TBX1: variants seen among roughly 807,000 people sequenced by gnomAD.
The protein encoded by TBX1 is T-box transcription factor TBX1.
In TBX1, 16 loss-of-function variants were observed where a neutral mutation model predicts 40.8. That is an observed-to-expected ratio of 0.39 (90% CI 0.27 to 0.60). TBX1 has a LOEUF of 0.60. Ranked by LOEUF, TBX1 falls within the 20% of genes least tolerant of loss-of-function variation. The probability of loss-of-function intolerance (pLI) is 0.51; values close to 1 mark genes in which losing one functional copy is unlikely to be tolerated. For missense variants in TBX1, 755 were observed against 728.5 expected, an observed-to-expected ratio of 1.04 and a Z score of -0.42; for synonymous variants, 403 against 336.8, an observed-to-expected ratio of 1.20 and a Z score of -2.15.
At chr22:19,764,474 C>T (rs1044504434) in intron 3 of TBX1, 148 bp downstream of exon 3, 11 of 1,022,056 alleles carry the variant, frequency 1.1e-5, no homozygotes, top group Non-Finnish European at 1.5e-5. Context: ...CTTTAGAGTC[C>T]CTGCGAGGCT....
At chr22:19,759,315 G>A (rs1601279297), upstream of TBX1, among the ~76,000 whole-genome samples, 1 of 152,216 alleles carries the variant, frequency 6.6e-6, no homozygotes, top group African/African-American at 2.4e-5. Context: ...TGGGCCCCTC[G>A]GCTGCTACCA....
At chr22:19,778,725 G>A (rs41297996) in intron 8 of TBX1, among the ~76,000 whole-genome samples, 22,693 of 152,092 alleles carry the variant, frequency 0.15, 2,373 homozygotes, top group East Asian at 0.44. Flanking sequence ...ATGAGCCACC[G>A]TGTCCAGCCC....
At chr22:19,781,364 G>A (rs1350032508), downstream of TBX1, among the ~76,000 whole-genome samples, 1 of 152,034 alleles carries the variant, frequency 6.6e-6, no homozygotes, top group East Asian at 1.9e-4. Context: ...ACATACCACG[G>A]CACCCAGGAT....
At chr22:19,778,270 T>C (rs1218434755) in intron 8 of TBX1, among the ~76,000 whole-genome samples, 2 of 151,536 alleles carry the variant, frequency 1.3e-5, no homozygotes, top group Non-Finnish European at 2.9e-5. Flanking sequence ...TTTTTGATGT[T>C]GTTGTTGTTG....
chr22:19,777,215 C>A (rs539535183), intron 8 of TBX1, among the ~76,000 whole-genome samples: 30 of 152,050 alleles, frequency 2.0e-4, no homozygotes, highest in Non-Finnish European at 4.1e-4. Context: ...TCCCCCTCCC[C>A]CTACCCCACA....
downstream of TBX1, among the ~76,000 whole-genome samples, chr22:19,769,472 A>G (rs979709433): frequency 6.6e-6 from 1 of 152,106 alleles, no homozygotes; most frequent in African/African-American, 2.4e-5. Flanking sequence ...TGTAAATGAG[A>G]GCTCGCAGGC....
chr22:19,779,655 C>A, downstream of TBX1: 1 of 916,140 alleles, frequency 1.1e-6, no homozygotes, highest in South Asian at 1.8e-5. Flanking sequence ...ATTATAAACA[C>A]TTCTAAATAT....
At chr22:19,766,113 C>A in intron 6 of TBX1, 111 bp downstream of exon 6, 1 of 999,430 alleles carries the variant, frequency 1.0e-6, no homozygotes. Context: ...GCTTTCGCGC[C>A]GGTTGCACAA....
chr22:19,771,513 T>G (rs541226835), downstream of TBX1, among the ~76,000 whole-genome samples: 2 of 152,240 alleles, frequency 1.3e-5, no homozygotes, highest in African/African-American at 4.8e-5. Context: ...TTAATAGCAG[T>G]AATTAAATTA....
At chr22:19,776,582 C>T (rs1365387110) in intron 8 of TBX1, among the ~76,000 whole-genome samples, 1 of 152,120 alleles carries the variant, frequency 6.6e-6, no homozygotes, top group Non-Finnish European at 1.5e-5. Flanking sequence ...GGGTCTCCCA[C>T]TCAGGGAGGG....
rs755047093 is a variant in TBX1 at position 19,766,600 on chromosome 22, A to G, written c.1248A>G (p.Ala416=). Residue 416 remains alanine, a synonymous_variant, in exon 7 of 7, where the codon GCA becomes GCG. Transcript: ENST00000649276. ...AGCTGCGCCTGGAGGCGCCCGGCGC[A>G]TCGGAGCCGCTGCACCACCACCCCT... ...NPELRLEAPG[A]SEPLHHHPYK... The G allele has an allele frequency of 2.0e-6, 3 of 1,498,412 alleles. No homozygotes were observed. Among genetic ancestry groups the G allele is most frequent in the Admixed American group, 4.1e-5 (2 of 48,566 alleles). The allele number at this position is 1,498,412 out of a possible 1,614,324, so 92.8% of individuals were successfully genotyped here. A position where few individuals can be genotyped will look rare whatever the true frequency, so the allele number is the denominator to read the frequency against.
chr22:19,766,102 G>A, intron 6 of TBX1, 100 bp downstream of exon 6: 1 of 1,072,344 alleles, frequency 9.3e-7, no homozygotes, highest in Non-Finnish European at 1.2e-6. Flanking sequence ...GGGCGCTCCA[G>A]GCTTTCGCGC....
chr22:19,760,431 A>G (rs1036143634), upstream of TBX1, among the ~76,000 whole-genome samples: 9 of 149,710 alleles, frequency 6.0e-5, no homozygotes, highest in African/African-American at 2.2e-4. Flanking sequence ...AATTTAAATG[A>G]GGACGACAAA....
Position 19,766,948 on chromosome 22 carries a change from G to A in TBX1, c.*81G>A. The A allele has an allele frequency of 1.9e-6, 3 of 1,540,588 alleles. No homozygotes were observed. The highest frequency in any genetic ancestry group is 2.6e-6 in the Non-Finnish European group (3 of 1,153,338). On this transcript the variant is annotated 3_prime_UTR_variant, in exon 7 of 7. Transcript: ENST00000649276. ...CCCGGCCACCCTGCCCCAAGGGCAAGCAAGGAATACGTTCCCCCAGCCCCA... is the reference window on the plus strand; with the variant it reads ...CCCGGCCACCCTGCCCCAAGGGCAAACAAGGAATACGTTCCCCCAGCCCCA...
At chr22:19,763,526 A>G (rs890163438) in intron 2 of TBX1, 184 bp downstream of exon 2, 9 of 620,432 alleles carry the variant, frequency 1.5e-5, no homozygotes, top group Non-Finnish European at 2.3e-5. Flanking sequence ...ACCCTACTCC[A>G]TGCCCTCTCA....
downstream of TBX1, among the ~76,000 whole-genome samples, chr22:19,780,414 A>G (rs1937128529): frequency 6.6e-6 from 1 of 152,186 alleles, no homozygotes; most frequent in African/African-American, 2.4e-5. Context: ...TAAGGACCTC[A>G]AGGTTCATCC....
At chr22:19,761,765 A>C (rs1601284748) in intron 1 of TBX1, among the ~76,000 whole-genome samples, 1 of 152,238 alleles carries the variant, frequency 6.6e-6, no homozygotes, top group Admixed American at 6.5e-5. Context: ...CTCTCTGGAC[A>C]CTTTCAGGAG....
downstream of TBX1, chr22:19,767,412 A>C (rs1936902342): frequency 1.0e-6 from 1 of 983,072 alleles, no homozygotes; most frequent in South Asian, 4.7e-5. Flanking sequence ...GGGGTAGCTC[A>C]GGGCCCTCAG....
intron 8 of TBX1, among the ~76,000 whole-genome samples, chr22:19,774,891 G>A (rs961996576): frequency 9.0e-6 from 1 of 110,646 alleles, no homozygotes; most frequent in Non-Finnish European, 1.8e-5. Flanking sequence ...TGGACGCACA[G>A]CATCGGGAAT....
Sources: allele counts gnomAD v4.1 joint callset (sites outside exome capture counted in the v4.1 genomes callset), GRCh38; gene constraint gnomAD v4.1.1; transcripts MANE v1.5; gene names NCBI Gene and HGNC (gene_info 2026-07-23, HGNC 2026-07-21).